COL21A1: variants seen among roughly 807,000 people sequenced by gnomAD.
The protein encoded by COL21A1 is collagen type XXI alpha 1 chain.
In COL21A1, 149 loss-of-function variants were observed where a neutral mutation model predicts 137.9. The ratio of observed to expected loss-of-function variants is 1.08; its 90% CI spans 0.95 to 1.24. The LOEUF is 1.24. Among genes scored for constraint, COL21A1 ranks in the 50% most tolerant of loss-of-function variants. COL21A1 has a pLI of 0.00. For synonymous variants in COL21A1, 456 were observed against 391.5 expected (o/e 1.16, Z -1.95); for missense variants, 1,167 against 1,158.4 (o/e 1.01, Z -0.11).
At chr6:56,094,713 G>A (rs1248965640) in intron 17 of COL21A1, among the ~76,000 whole-genome samples, 1 of 152,180 alleles carries the variant, frequency 6.6e-6, no homozygotes, top group African/African-American at 2.4e-5. Context: ...TTGTTGCAAA[G>A]TATTGGTTTA....
chr6:56,088,841 C>T (rs767314857), intron 17 of COL21A1, among the ~76,000 whole-genome samples: 7 of 152,176 alleles, frequency 4.6e-5, no homozygotes, highest in Non-Finnish European at 1.0e-4. Flanking sequence ...GGCTGGAGTA[C>T]AGTGGAGTGA....
intron 3 of COL21A1, 90 bp from the exon 4 acceptor site, chr6:56,171,218 AT>A: frequency 1.3e-6 from 1 of 763,534 alleles, no homozygotes; most frequent in South Asian, 2.4e-5. Flanking sequence ...ACAATATAGT[AT>A]TCTATCATTA....
intron 10 of COL21A1, among the ~76,000 whole-genome samples, chr6:56,148,215 T>G (rs1242604833): frequency 6.6e-6 from 1 of 152,110 alleles, no homozygotes; most frequent in Admixed American, 6.5e-5. Flanking sequence ...GTTAAAGCTT[T>G]CTCTAGGAAA....
chr6:56,345,658 T>C (rs1262954300), intron 1 of COL21A1, among the ~76,000 whole-genome samples: 1 of 152,184 alleles, frequency 6.6e-6, no homozygotes, highest in East Asian at 1.9e-4. Flanking sequence ...CATTCTTTCT[T>C]CCCCCAAAAT....
At chr6:56,075,323 C>T (rs996115979) in intron 19 of COL21A1, among the ~76,000 whole-genome samples, 156 bp downstream of exon 19, 2 of 151,344 alleles carry the variant, frequency 1.3e-5, no homozygotes, top group African/African-American at 4.8e-5. Context: ...TGCACATAGA[C>T]ATAATATGTT....
chr6:56,214,261 G>T (rs1780352417), intron 1 of COL21A1, among the ~76,000 whole-genome samples: 1 of 151,986 alleles, frequency 6.6e-6, no homozygotes, highest in Admixed American at 6.6e-5. Context: ...ACTTAAGTTG[G>T]CAATTTGGGC....
Position 56,141,827 on chromosome 6 carries a change from TCCTCGAGCTCCCTAAATTAACCAGAAAA to T in COL21A1, c.1489-17_1499del. On this transcript the variant is annotated splice_acceptor_variant and splice_polypyrimidine_tract_variant and coding_sequence_variant and intron_variant, in exon 12 of 30. Transcript: ENST00000244728. LOFTEE classifies it high-confidence loss of function. ...CTGGTTCTCCTTTGTAACCTGGTAG[TCCTCGAGCTCCCTAAATTAACCAGAAAA>T]TAAAATTTTGTTAATTATCGGTTTT... 1 of 1,613,690 alleles carries T rather than the reference TCCTCGAGCTCCCTAAATTAACCAGAAAA, an allele frequency of 6.2e-7. No individual in the cohort carries two copies. The highest frequency in any genetic ancestry group is 8.5e-7 in the Non-Finnish European group (1 of 1,179,700).
At chr6:56,151,082 C>T (rs929405396) in intron 10 of COL21A1, among the ~76,000 whole-genome samples, 2 of 151,526 alleles carry the variant, frequency 1.3e-5, no homozygotes, top group Admixed American at 6.6e-5. Flanking sequence ...AAAAATTGAC[C>T]GGGCGTGGTG....
chr6:56,079,037 CA>C (rs1421613666), intron 17 of COL21A1, among the ~76,000 whole-genome samples: 2 of 151,618 alleles, frequency 1.3e-5, no homozygotes, highest in African/African-American at 2.4e-5. Context: ...ATTCTCAATG[CA>C]ATGAATTAAG....
At position 56,097,923 on chromosome 6, in the gene COL21A1, A is replaced by ATATAAATATATAAATATATGTAAATC. The variant is rs1428451707; in HGVS notation, c.1812+3548_1812+3549insGATTTACATATATTTATATATTTATA. 6.8e-4 allele frequency among the ~76,000 whole-genome samples: 69 copies of ATATAAATATATAAATATATGTAAATC among 102,208 alleles called. 1 individual carries two copies. The highest frequency in any genetic ancestry group is 7.9e-4 in the South Asian group (3 of 3,774). 67.1% of individuals were successfully genotyped at this position (102,208 alleles called of 152,430 possible). On this transcript the variant is annotated intron_variant, in intron 17 of 29. Coordinates refer to ENST00000244728, the MANE Select transcript of COL21A1 (RefSeq NM_030820.4). ...TATAAATATATAAATATATATAAATATATAAATATATAAAAATATATATAA... is the reference window on the plus strand; with the variant it reads ...TATAAATATATAAATATATATAAATATATAAATATATAAATATATGTAAATCTATAAATATATAAAAATATATATAA...
intron 1 of COL21A1, among the ~76,000 whole-genome samples, chr6:56,306,728 A>T (rs1438939779): frequency 6.6e-6 from 1 of 151,454 alleles, no homozygotes; most frequent in African/African-American, 2.4e-5. Context: ...TCTTCTCTCA[A>T]CTCGTCAAAG....
At chr6:56,303,136 T>G (rs1306996920) in intron 1 of COL21A1, among the ~76,000 whole-genome samples, 1 of 152,232 alleles carries the variant, frequency 6.6e-6, no homozygotes, top group Non-Finnish European at 1.5e-5. Context: ...ACTGTAGCCT[T>G]GTAGTATAGT....
chr6:56,203,012 CTTACA>C (rs1461017273), intron 1 of COL21A1, among the ~76,000 whole-genome samples: 1 of 152,150 alleles, frequency 6.6e-6, no homozygotes, highest in Non-Finnish European at 1.5e-5. Context: ...CTAAATTCCT[CTTACA>C]TTACATTAAT....
intron 1 of COL21A1, among the ~76,000 whole-genome samples, chr6:56,220,596 G>C (rs753887663): frequency 5.3e-5 from 8 of 152,090 alleles, no homozygotes; most frequent in Non-Finnish European, 8.8e-5. Context: ...TCATAACAGA[G>C]TCGGAAGGAC....
At chr6:56,069,316 G>A (rs1254405819) in intron 21 of COL21A1, among the ~76,000 whole-genome samples, 199 bp from the exon 22 acceptor site, 1 of 151,318 alleles carries the variant, frequency 6.6e-6, no homozygotes, top group East Asian at 1.9e-4. Flanking sequence ...ATCTTTTCCA[G>A]TTGAAAAATT....
At position 56,377,342 on chromosome 6, in the gene COL21A1, C is replaced by T. The variant is rs181299943; in HGVS notation, c.-39+16629G>A. 3.9e-5 allele frequency among the ~76,000 whole-genome samples: 6 copies of T among 152,140 alleles called. 1 individual carries two copies. Among genetic ancestry groups the T allele is most frequent in the Admixed American group, 2.0e-4 (3 of 15,296 alleles). On this transcript the variant is annotated intron_variant, in intron 1 of 28. Coordinates refer to the COL21A1 transcript ENST00000370819. The stretch of plus-strand genomic sequence containing the variant: ...CATCCCTCCCCAATCCCCGATTCCC[C>T]ACTCCCCTCTCCCCCATTTTCCCCC...
At chr6:56,095,743 T>C (rs1200518127) in intron 17 of COL21A1, among the ~76,000 whole-genome samples, 3 of 152,212 alleles carry the variant, frequency 2.0e-5, no homozygotes, top group Non-Finnish European at 4.4e-5. Flanking sequence ...CACTCATATT[T>C]ATCATCCAGA....
chr6:56,059,400 A>G (rs759446887), intron 28 of COL21A1, among the ~76,000 whole-genome samples, 158 bp from the exon 29 acceptor site: 1 of 112,578 alleles, frequency 8.9e-6, no homozygotes, highest in African/African-American at 3.4e-5. Context: ...TTTTGAAGCA[A>G]TAATTTCTAA....
chr6:56,323,816 G>A (rs867379681), intron 1 of COL21A1, among the ~76,000 whole-genome samples: 3 of 152,016 alleles, frequency 2.0e-5, no homozygotes, highest in Admixed American at 6.6e-5. Context: ...TAAGCATTCG[G>A]TGACTTTAAT....
Sources: gnomAD v4.1 joint callset for allele counts (sites outside exome capture counted in the v4.1 genomes callset) on GRCh38, gnomAD v4.1.1 for gene constraint, MANE v1.5 for transcripts, NCBI Gene and HGNC (gene_info 2026-07-23, HGNC 2026-07-21) for gene names.